Variants in ASB18 observed in about 807,000 individuals in gnomAD.
ASB18 encodes ankyrin repeat and SOCS box containing 18, also known as ankyrin repeat and SOCS box protein 18.
ASB18 carries 33 observed loss-of-function variants against 33.4 expected under a neutral mutation model. The ratio of observed to expected loss-of-function variants is 0.99; its 90% CI spans 0.75 to 1.32. The LOEUF (loss-of-function observed/expected upper bound fraction) is 1.32. Among genes scored for constraint, ASB18 ranks in the 40% most tolerant of loss-of-function variants. The pLI, the probability that ASB18 is intolerant of heterozygous loss-of-function variation, is 0.00. For synonymous variants in ASB18, 295 were observed against 307.6 expected, an observed-to-expected ratio of 0.96 and a Z score of 0.43; for missense variants, 694 against 655.5, an observed-to-expected ratio of 1.06 and a Z score of -0.64.
At chr2:236,201,920 AT>A (rs34233524) in intron 4 of ASB18, among the ~76,000 whole-genome samples, 33 of 150,086 alleles carry the variant, frequency 2.2e-4, no homozygotes, top group East Asian at 2.0e-4. Flanking sequence ...ATAAAAGTAC[AT>A]TTTTTTTTGC....
At position 236,214,921 on chromosome 2, in the gene ASB18, C is replaced by A; in HGVS notation, c.597-55G>T. On this transcript the variant is annotated intron_variant, in intron 3 of 5. Transcript: ENST00000409749. This position sits in a 1 kb window ranked among gnomAD's most constrained non-coding sequence, Gnocchi z 6.5. ...CGCCACGCAGGACGCCCGCACCCTT[C>A]CACCCCCGGCCTGCTGCTGCAAAAT... 8.4e-7 allele frequency: 1 copy of A among 1,193,420 alleles called. No individual in the cohort carries two copies. Among genetic ancestry groups the A allele is most frequent in the Non-Finnish European group, 1.0e-6 (1 of 962,028 alleles). The allele number at this position is 1,193,420 out of a possible 1,614,324, so 73.9% of individuals were successfully genotyped here. A position where few individuals can be genotyped will look rare whatever the true frequency, so the allele number is the denominator to read the frequency against.
In ASB18 at chr2:236,245,327, T is replaced by C. The variant is rs981612516; in HGVS notation, c.206-3925A>G. 6.6e-6 allele frequency among the ~76,000 whole-genome samples: 1 copy of C among 152,106 alleles called. No homozygotes were observed. Among genetic ancestry groups the C allele is most frequent in the Non-Finnish European group, 1.5e-5 (1 of 68,006 alleles). Reference sequence around the variant, plus strand: ...TCCCTGCAGGTTGATACCCTTGATGTCATTTGCAGGTGAGGAAACTGGGAC... The same window carrying C: ...TCCCTGCAGGTTGATACCCTTGATGCCATTTGCAGGTGAGGAAACTGGGAC... On this transcript the variant is annotated intron_variant, in intron 1 of 5. Coordinates refer to ENST00000409749, the MANE Select transcript of ASB18 (RefSeq NM_212556.4). This position sits in a 1 kb window ranked among gnomAD's most constrained non-coding sequence, Gnocchi z 4.7.
Position 236,213,961 on chromosome 2 carries a change from G to A in ASB18, c.1101+401C>T, listed in dbSNP as rs548710738. 8 of 184,844 alleles carry A rather than the reference G, an allele frequency of 4.3e-5. No individual in the cohort carries two copies. Among genetic ancestry groups the A allele is most frequent in the African/African-American group, 1.4e-4 (6 of 42,418 alleles). 11.5% of individuals were successfully genotyped at this position (184,844 alleles called of 1,614,324 possible). ...ATGTGGCAAAAGACTGATTTTCATC[G>A]TTCTGAAAATGACACTGATGATGAG... is the stretch of plus-strand genomic sequence containing the variant. On this transcript the variant is annotated intron_variant, in intron 4 of 5. Coordinates refer to ENST00000409749, the MANE Select transcript of ASB18 (RefSeq NM_212556.4). This position sits in a 1 kb window ranked among gnomAD's most constrained non-coding sequence, Gnocchi z 4.8.
Position 236,264,004 on chromosome 2 carries a change from T to C in ASB18, c.205+137A>G. ...TCTATGCAGTACACATATATGCATG[T>C]ATGTATGAGAGTCAGATATCCGAGT... On this transcript the variant is annotated intron_variant, in intron 1 of 5. Transcript: ENST00000409749. The surrounding 1 kb of genome is among the most constrained non-coding windows in gnomAD (Gnocchi z 5.1). The C allele has an allele frequency of 1.4e-6, 1 of 704,282 alleles. No homozygotes were observed. The allele number at this position is 704,282 out of a possible 1,614,324, so 43.6% of individuals were successfully genotyped here. A position where few individuals can be genotyped will look rare whatever the true frequency, so the allele number is the denominator to read the frequency against.
Position 236,253,121 on chromosome 2 carries a change from C to T in ASB18, c.205+11020G>A, listed in dbSNP as rs1003161917. ...TCCTAGGAAGTTTCCTGCCAAACTCCAGTCAGCACCCAACGCTGACCCCTG... is the reference window on the plus strand; with the variant it reads ...TCCTAGGAAGTTTCCTGCCAAACTCTAGTCAGCACCCAACGCTGACCCCTG... On this transcript the variant is annotated intron_variant, in intron 1 of 5. Coordinates refer to ENST00000409749, the MANE Select transcript of ASB18 (RefSeq NM_212556.4). This position sits in a 1 kb window ranked among gnomAD's most constrained non-coding sequence, Gnocchi z 5.4. 6.6e-6 allele frequency among the ~76,000 whole-genome samples: 1 copy of T among 152,198 alleles called. No homozygotes were observed. Among genetic ancestry groups the T allele is most frequent in the Non-Finnish European group, 1.5e-5 (1 of 68,036 alleles).
intron 1 of ASB18, among the ~76,000 whole-genome samples, chr2:236,246,180 C>A (rs938469273): frequency 6.6e-6 from 1 of 151,792 alleles, no homozygotes; most frequent in Non-Finnish European, 1.5e-5. Context: ...TGGTGAAACC[C>A]CATCTCTACT....
rs1381744654 is a variant in ASB18, at chr2:236,257,615, G to GT, written c.205+6525dup. On this transcript the variant is annotated intron_variant, in intron 1 of 5. Coordinates refer to ENST00000409749, the MANE Select transcript of ASB18 (RefSeq NM_212556.4). This position sits in a 1 kb window ranked among gnomAD's most constrained non-coding sequence, Gnocchi z 5.5. ...GGGTTGTAGACAGCTTCACTGGGAA[G>GT]TTTTTTCAGGGACGTTCCTGCAAAA... 6.6e-6 allele frequency among the ~76,000 whole-genome samples: 1 copy of GT among 152,196 alleles called. No homozygotes were observed. The highest frequency in any genetic ancestry group is 2.4e-5 in the African/African-American group (1 of 41,460).
Position 236,257,496 on chromosome 2 carries a change from C to A in ASB18, c.205+6645G>T, listed in dbSNP as rs564399919. Among the ~76,000 whole-genome samples, 7 of 152,274 alleles carry A rather than the reference C, an allele frequency of 4.6e-5. No individual in the cohort carries two copies. The South Asian group carries it at 1.2e-3, about 27-fold the overall frequency. ...ATTATTTTTGCTCAATGATTTGAAA[C>A]CAGGGACTCTATCTACTGAGATTGT... On this transcript the variant is annotated intron_variant, in intron 1 of 5. Transcript: ENST00000409749. The surrounding 1 kb of genome is among the most constrained non-coding windows in gnomAD (Gnocchi z 5.5).
rs778919725 is a variant in ASB18 at position 236,245,453 on chromosome 2, G to A, written c.206-4051C>T. 3.9e-5 allele frequency among the ~76,000 whole-genome samples: 6 copies of A among 152,320 alleles called. No homozygotes were observed. Among genetic ancestry groups the A allele is most frequent in the South Asian group, 4.1e-4 (2 of 4,826 alleles). The stretch of plus-strand genomic sequence containing the variant: ...AAGGGCTTCCTACCTTGCCCTCACC[G>A]TTGTCCCTGGAGCATGCCACACCTT... On this transcript the variant is annotated intron_variant, in intron 1 of 5. Coordinates refer to ENST00000409749, the MANE Select transcript of ASB18 (RefSeq NM_212556.4). This position sits in a 1 kb window ranked among gnomAD's most constrained non-coding sequence, Gnocchi z 4.7.
intron 1 of ASB18, among the ~76,000 whole-genome samples, chr2:236,246,599 AG>A (rs1239241204): frequency 1.3e-5 from 2 of 152,130 alleles, no homozygotes; most frequent in African/African-American, 4.8e-5. Flanking sequence ...CATGTTTGTA[AG>A]GAACTTAGAG....
rs1256422910 is a variant in ASB18, at chr2:236,196,825, G to A, written c.1102-440C>T. ...AGATGTGTCAGGAAATTGAGAATTG[G>A]GGAAGAGGAATTGTTTTGCTGTTGA... is the stretch of plus-strand genomic sequence containing the variant. On this transcript the variant is annotated intron_variant, in intron 4 of 5. Transcript: ENST00000409749. The surrounding 1 kb of genome is among the most constrained non-coding windows in gnomAD (Gnocchi z 5.6). 3.3e-5 allele frequency among the ~76,000 whole-genome samples: 5 copies of A among 152,144 alleles called. No individual in the cohort carries two copies. Among genetic ancestry groups the A allele is most frequent in the Non-Finnish European group, 1.5e-5 (1 of 68,016 alleles).
chr2:236,216,982 G>A lies in ASB18; in HGVS notation c.597-2116C>T, dbSNP rs747667258. Among the ~76,000 whole-genome samples, 5 of 152,134 alleles carry A rather than the reference G, an allele frequency of 3.3e-5. No individual in the cohort carries two copies. The highest frequency in any genetic ancestry group is 7.4e-5 in the Non-Finnish European group (5 of 68,026). ...CTCCTTCCAGGTTGCCCCGCTGCAC[G>A]TGATGGCCCACACAGTCCCATCTTT... is the stretch of plus-strand genomic sequence containing the variant. On this transcript the variant is annotated intron_variant, in intron 3 of 5. Coordinates refer to ENST00000409749, the MANE Select transcript of ASB18 (RefSeq NM_212556.4). The surrounding 1 kb of genome is among the most constrained non-coding windows in gnomAD (Gnocchi z 6.1).
Position 236,194,323 on chromosome 2 carries a change from G to A in ASB18, c.*549C>T, listed in dbSNP as rs2060361013. Among the ~76,000 whole-genome samples the A allele has an allele frequency of 6.6e-6, 1 of 151,996 alleles. No homozygotes were observed. Reference sequence around the variant, plus strand: ...TCACATACTGATTCACCAAAAATTGGGTAAATAATTATCTTACTTGTTATT... The same window carrying A: ...TCACATACTGATTCACCAAAAATTGAGTAAATAATTATCTTACTTGTTATT... On this transcript the variant is annotated 3_prime_UTR_variant, in exon 6 of 6. Transcript: ENST00000409749. The surrounding 1 kb of genome is among the most constrained non-coding windows in gnomAD (Gnocchi z 4.5).
In ASB18 at chr2:236,249,548, G is replaced by A. The variant is rs1559338125; in HGVS notation, c.206-8146C>T. On this transcript the variant is annotated intron_variant, in intron 1 of 5. Transcript: ENST00000409749. This position sits in a 1 kb window ranked among gnomAD's most constrained non-coding sequence, Gnocchi z 4.6. ...CATGGGGTTTCAACGTCTATTCCAGGGTGTTGGTCAAGGAAATGCTTCTGA... is the reference window on the plus strand; with the variant it reads ...CATGGGGTTTCAACGTCTATTCCAGAGTGTTGGTCAAGGAAATGCTTCTGA... 1 of 152,006 alleles carries A rather than the reference G, an allele frequency of 6.6e-6. No individual in the cohort carries two copies. The highest frequency in any genetic ancestry group is 1.5e-5 in the Non-Finnish European group (1 of 68,002). The allele number at this position is 152,006 out of a possible 1,614,324, so 9.4% of individuals were successfully genotyped here. A position where few individuals can be genotyped will look rare whatever the true frequency, so the allele number is the denominator to read the frequency against.
At position 236,260,219 on chromosome 2, in the gene ASB18, C is replaced by T. The variant is rs1428884448; in HGVS notation, c.205+3922G>A. Among the ~76,000 whole-genome samples, 3 of 152,070 alleles carry T rather than the reference C, an allele frequency of 2.0e-5. No homozygotes were observed. The highest frequency in any genetic ancestry group is 6.6e-5 in the Admixed American group (1 of 15,256). ...ACTGGGCTTGTCCTTGGGATAGAAA[C>T]CTCTTCCCTCTTCTTTCCCCCAGGT... is the stretch of plus-strand genomic sequence containing the variant. On this transcript the variant is annotated intron_variant, in intron 1 of 5. Transcript: ENST00000409749. This position sits in a 1 kb window ranked among gnomAD's most constrained non-coding sequence, Gnocchi z 5.1.
Position 236,237,070 on chromosome 2 carries a change from A to C in ASB18, c.596+619T>G, listed in dbSNP as rs7569760. 0.2 allele frequency among the ~76,000 whole-genome samples: 30,343 copies of C among 151,728 alleles called. 3,163 individuals carry two copies. Among genetic ancestry groups the C allele is most frequent in the South Asian group, 0.25 (1,223 of 4,806 alleles). On this transcript the variant is annotated intron_variant, in intron 3 of 5. Coordinates refer to ENST00000409749, the MANE Select transcript of ASB18 (RefSeq NM_212556.4). The surrounding 1 kb of genome is among the most constrained non-coding windows in gnomAD (Gnocchi z 6.2). ...CCCGCGCCCGGGCGCGAACTAGCTG[A>C]GCGGCCGCTGGGCCTCCCTAGAGGC...
Position 236,251,760 on chromosome 2 carries a change from A to C in ASB18, c.206-10358T>G, listed in dbSNP as rs953862646. On this transcript the variant is annotated intron_variant, in intron 1 of 5. Transcript: ENST00000409749. This position sits in a 1 kb window ranked among gnomAD's most constrained non-coding sequence, Gnocchi z 5.3. ...AAACACTGGACTGCTAATCACGTTC[A>C]ATTTTACTAACCTAAAATACAAGTG... 6.6e-6 allele frequency among the ~76,000 whole-genome samples: 1 copy of C among 152,248 alleles called. No individual in the cohort carries two copies. Among genetic ancestry groups the C allele is most frequent in the African/African-American group, 2.4e-5 (1 of 41,462 alleles).
At position 236,231,140 on chromosome 2, in the gene ASB18, C is replaced by T. The variant is rs1297757611; in HGVS notation, c.596+6549G>A. 6.6e-6 allele frequency among the ~76,000 whole-genome samples: 1 copy of T among 152,112 alleles called. No homozygotes were observed. On this transcript the variant is annotated intron_variant, in intron 3 of 5. Transcript: ENST00000409749. This position sits in a 1 kb window ranked among gnomAD's most constrained non-coding sequence, Gnocchi z 5.5. ...TTTGCCGCTAACCAATGGACTATTGCAAAGGTGACAGGAGGTTGTTTTGGT... is the reference window on the plus strand; with the variant it reads ...TTTGCCGCTAACCAATGGACTATTGTAAAGGTGACAGGAGGTTGTTTTGGT...
Position 236,238,331 on chromosome 2 carries a change from G to C in ASB18, c.329-375C>G, listed in dbSNP as rs1256539819. 6.6e-6 allele frequency among the ~76,000 whole-genome samples: 1 copy of C among 152,158 alleles called. No individual in the cohort carries two copies. The highest frequency in any genetic ancestry group is 1.5e-5 in the Non-Finnish European group (1 of 68,034). The stretch of plus-strand genomic sequence containing the variant: ...AGGCGAATTTAAGTGAGGAATTCAC[G>C]TGTTCCAGGCCCTGAGTTAGGGCAG... On this transcript the variant is annotated intron_variant, in intron 2 of 5. Coordinates refer to ENST00000409749, the MANE Select transcript of ASB18 (RefSeq NM_212556.4). This position sits in a 1 kb window ranked among gnomAD's most constrained non-coding sequence, Gnocchi z 5.2.
Sources: gnomAD v4.1 joint callset for allele counts (sites outside exome capture counted in the v4.1 genomes callset) on GRCh38, gnomAD v4.1.1 for gene constraint, Gnocchi (gnomAD v3.1) non-coding constraint, MANE v1.5 for transcripts, NCBI Gene and HGNC (gene_info 2026-07-23, HGNC 2026-07-21) for gene names.